Variants in MSRA observed in about 807,000 individuals in gnomAD.
The protein encoded by MSRA is methionine sulfoxide reductase A, also known as mitochondrial peptide methionine sulfoxide reductase.
Under a neutral mutation model 31.3 loss-of-function variants are expected in MSRA, and 54 were observed. The ratio of observed to expected loss-of-function variants is 1.73; its 90% CI spans 1.39 to 2.17. MSRA has a LOEUF of 2.17. Among genes scored for constraint, MSRA ranks in the 30% most tolerant of loss-of-function variants. The pLI, the probability that MSRA is intolerant of heterozygous loss-of-function variation, is 0.00. For missense variants in MSRA, 507 were observed against 300.9 expected, an observed-to-expected ratio of 1.69 and a Z score of -5.07; for synonymous variants, 169 against 116.5, an observed-to-expected ratio of 1.45 and a Z score of -2.90.
At chr8:10,066,707 G>C (rs949043114) in intron 1 of MSRA, among the ~76,000 whole-genome samples, 1 of 151,880 alleles carries the variant, frequency 6.6e-6, no homozygotes, top group East Asian at 1.9e-4. Flanking sequence ...CTATTTTTTT[G>C]TATTTTTAGT....
chr8:10,058,003 A>G (rs1378878932), intron 1 of MSRA, among the ~76,000 whole-genome samples: 3 of 152,194 alleles, frequency 2.0e-5, no homozygotes, highest in African/African-American at 7.2e-5. Context: ...CTTTTTATAG[A>G]GTATCAGTGG....
At chr8:10,130,161 C>T (rs1801794437) in intron 1 of MSRA, among the ~76,000 whole-genome samples, 1 of 152,308 alleles carries the variant, frequency 6.6e-6, no homozygotes, top group South Asian at 2.1e-4. Flanking sequence ...AGTCCCTTAT[C>T]CTCACCAATA....
At chr8:10,380,035 C>G (rs1333814056) in intron 5 of MSRA, among the ~76,000 whole-genome samples, 1 of 152,148 alleles carries the variant, frequency 6.6e-6, no homozygotes, top group Admixed American at 6.5e-5. Context: ...ACAGAAAGTT[C>G]TAGTGAAAGA....
At chr8:10,110,642 T>G (rs564200283) in intron 1 of MSRA, among the ~76,000 whole-genome samples, 1 of 152,256 alleles carries the variant, frequency 6.6e-6, no homozygotes, top group South Asian at 2.1e-4. Flanking sequence ...ATCCTTCATC[T>G]CCTTGGCAGG....
chr8:10,094,311 A>T (rs1471469271), intron 1 of MSRA, among the ~76,000 whole-genome samples: 1 of 152,166 alleles, frequency 6.6e-6, no homozygotes, highest in African/African-American at 2.4e-5. Flanking sequence ...TACTTAATAG[A>T]TTTGTTGGAC....
chr8:10,330,370 C>T (rs928430533), intron 5 of MSRA, among the ~76,000 whole-genome samples: 2 of 152,110 alleles, frequency 1.3e-5, no homozygotes, highest in Non-Finnish European at 2.9e-5. Flanking sequence ...ATGCTATAAC[C>T]ATGATAATAT....
intron 3 of MSRA, among the ~76,000 whole-genome samples, chr8:10,262,461 C>T (rs1798532594): frequency 6.6e-6 from 1 of 152,170 alleles, no homozygotes; most frequent in Admixed American, 6.5e-5. Context: ...ATTTGCAATT[C>T]TTTAATGACA....
chr8:10,271,632 T>TAA (rs1799043708), intron 3 of MSRA, among the ~76,000 whole-genome samples: 2 of 108,460 alleles, frequency 1.8e-5, no homozygotes, highest in African/African-American at 6.5e-5. Context: ...AGACAGTCAA[T>TAA]TTGCATTACA....
chr8:10,116,837 G>T (rs1275443969), intron 1 of MSRA, among the ~76,000 whole-genome samples: 1 of 152,146 alleles, frequency 6.6e-6, no homozygotes, highest in South Asian at 2.1e-4. Context: ...CGTGGTGGCA[G>T]ATGCCTGTAA....
chr8:10,279,275 A>C (rs569454762), intron 3 of MSRA, among the ~76,000 whole-genome samples: 15 of 152,322 alleles, frequency 9.8e-5, no homozygotes, highest in African/African-American at 3.6e-4. Context: ...AAGGAAATTA[A>C]TTAATACAGA....
intron 1 of MSRA, among the ~76,000 whole-genome samples, chr8:10,078,385 T>A (rs1798103552): frequency 6.6e-6 from 1 of 152,182 alleles, no homozygotes; most frequent in Admixed American, 6.5e-5. Flanking sequence ...TGGAGCTCAG[T>A]GTGATGGAGG....
chr8:10,063,397 C>A (rs1048302364), intron 1 of MSRA, among the ~76,000 whole-genome samples: 6 of 152,376 alleles, frequency 3.9e-5, no homozygotes, highest in Non-Finnish European at 8.8e-5. Context: ...TCCAATGACA[C>A]TCTTCAATGC....
At chr8:10,200,546 C>G (rs1324738293) in intron 1 of MSRA, among the ~76,000 whole-genome samples, 1 of 152,162 alleles carries the variant, frequency 6.6e-6, no homozygotes, top group African/African-American at 2.4e-5. Context: ...CTGGTTGTCG[C>G]TTGCCTTCCA....
At chr8:10,223,192 A>T (rs572824484) in intron 2 of MSRA, among the ~76,000 whole-genome samples, 1 of 152,294 alleles carries the variant, frequency 6.6e-6, no homozygotes, top group South Asian at 2.1e-4. Flanking sequence ...GGTCAATATT[A>T]CCTGCATTTT....
chr8:10,224,183 T>G (rs1422432527), intron 2 of MSRA, among the ~76,000 whole-genome samples: 1 of 152,232 alleles, frequency 6.6e-6, no homozygotes, highest in Non-Finnish European at 1.5e-5. Context: ...AAACCAGTTC[T>G]TTTTGTGGTT....
At chr8:10,407,052 A>AT (rs1807862693) in intron 5 of MSRA, among the ~76,000 whole-genome samples, 1 of 151,682 alleles carries the variant, frequency 6.6e-6, no homozygotes, top group African/African-American at 2.4e-5. Context: ...TAATTTTTTT[A>AT]TTTTTTGTGG....
chr8:10,054,666 C>A lies in MSRA; in HGVS notation c.142+8C>A. 6.6e-7 allele frequency: 1 copy of A among 1,522,668 alleles called. No individual in the cohort carries two copies. The highest frequency in any genetic ancestry group is 8.8e-7 in the Non-Finnish European group (1 of 1,131,774). 94.3% of individuals were successfully genotyped at this position (1,522,668 alleles called of 1,614,324 possible). On this transcript the variant is annotated splice_region_variant and intron_variant, in intron 1 of 5. Transcript: ENST00000317173. ...AACAGACCCCTGTAGCGGGTAAGCA[C>A]TGGCCACACGGAAGGCGCGGGCGGC...
At chr8:10,304,707 C>T (rs934535770) in intron 4 of MSRA, among the ~76,000 whole-genome samples, 3 of 152,152 alleles carry the variant, frequency 2.0e-5, no homozygotes, top group Non-Finnish European at 4.4e-5. Context: ...GGTCACATGG[C>T]AACCTGTCAC....
At chr8:10,068,713 C>T (rs1001243254) in intron 1 of MSRA, among the ~76,000 whole-genome samples, 34 of 152,300 alleles carry the variant, frequency 2.2e-4, no homozygotes, top group African/African-American at 6.7e-4. Flanking sequence ...TGAGTAGCAT[C>T]GGTTCTCTGA....
Sources: allele counts gnomAD v4.1 joint callset (sites outside exome capture counted in the v4.1 genomes callset), GRCh38; gene constraint gnomAD v4.1.1; transcripts MANE v1.5; gene names NCBI Gene and HGNC (gene_info 2026-07-23, HGNC 2026-07-21).